Variants in SMARCAL1 observed in about 807,000 individuals in gnomAD.
SMARCAL1 encodes SNF2 related chromatin remodeling annealing helicase 1, also known as ATP-driven annealing helicase.
Under a neutral mutation model 94.5 loss-of-function variants are expected in SMARCAL1, and 58 were observed. That is an observed-to-expected ratio of 0.61 (90% CI 0.50 to 0.76). SMARCAL1 has a LOEUF of 0.76. Ranked by LOEUF, SMARCAL1 falls within the 30% of genes least tolerant of loss-of-function variation. SMARCAL1 has a pLI of 0.00. For synonymous variants in SMARCAL1, 422 were observed against 455.1 expected (o/e 0.93, Z 0.93); for missense variants, 1,051 against 1,177.9 (o/e 0.89, Z 1.58).
chr2:216,449,325 C>A (rs1023161842), intron 11 of SMARCAL1, among the ~76,000 whole-genome samples: 4 of 152,188 alleles, frequency 2.6e-5, no homozygotes, highest in African/African-American at 9.6e-5. Flanking sequence ...ATTATGATAT[C>A]CACTTGTTCT....
At chr2:216,438,893 T>C (rs1201348741) in intron 10 of SMARCAL1, among the ~76,000 whole-genome samples, 1 of 152,194 alleles carries the variant, frequency 6.6e-6, no homozygotes, top group Non-Finnish European at 1.5e-5. Flanking sequence ...GCTGCCTAGA[T>C]GCTGGAAATC....
rs888207135 is a variant in SMARCAL1 at position 216,482,413 on chromosome 2, T to C, written c.2626-325T>C. Among the ~76,000 whole-genome samples, 2 of 152,232 alleles carry C rather than the reference T, an allele frequency of 1.3e-5. No homozygotes were observed. The highest frequency in any genetic ancestry group is 2.9e-5 in the Non-Finnish European group (2 of 68,040). ...GAGATCTTGGGTGCTATTTCAGTAT[T>C]GAAATAATGATTTGGAAAGTTCAAA... On this transcript the variant is annotated intron_variant, in intron 17 of 17. Coordinates refer to ENST00000357276, the MANE Select transcript of SMARCAL1 (RefSeq NM_014140.4). This position sits in a 1 kb window ranked among gnomAD's most constrained non-coding sequence, Gnocchi z 4.3.
chr2:216,432,925 C>T lies in SMARCAL1; in HGVS notation c.1485+57C>T, dbSNP rs1693998581. On this transcript the variant is annotated intron_variant, in intron 8 of 17. Transcript: ENST00000357276. The stretch of plus-strand genomic sequence containing the variant: ...AGAAGGTTTTCTTCAGTGTTAGAGT[C>T]ATAAAATAATGGTTTGCAGACAGGG... The T allele has an allele frequency of 2.5e-6, 4 of 1,601,292 alleles. No homozygotes were observed. In the South Asian group the frequency reaches 4.4e-5, roughly 18 times the overall value.
intron 12 of SMARCAL1, among the ~76,000 whole-genome samples, chr2:216,452,751 T>A (rs1340547489): frequency 6.6e-6 from 1 of 152,230 alleles, no homozygotes; most frequent in Non-Finnish European, 1.5e-5. Flanking sequence ...AGAAATTTTG[T>A]GCTTAGTGCA....
intron 7 of SMARCAL1, among the ~76,000 whole-genome samples, chr2:216,430,680 A>AG (rs1693942334): frequency 6.6e-6 from 1 of 152,178 alleles, no homozygotes; most frequent in Non-Finnish European, 1.5e-5. Flanking sequence ...TGTGAAATTC[A>AG]GGGGGTCCAT....
At position 216,419,899 on chromosome 2, in the gene SMARCAL1, G is replaced by A. The variant is rs537892709; in HGVS notation, c.863-400G>A. Among the ~76,000 whole-genome samples the A allele has an allele frequency of 1.5e-3, 228 of 151,690 alleles. 1 individual carries two copies. Among genetic ancestry groups the A allele is most frequent in the African/African-American group, 5.4e-3 (222 of 41,336 alleles). ...ACGAAAACTAACCGCATGTGGTGGT[G>A]CACGCCTGTAGTCCCAGCTACTGGG... On this transcript the variant is annotated intron_variant, in intron 4 of 17. Transcript: ENST00000357276.
chr2:216,421,499 T>C (rs1693720440), intron 5 of SMARCAL1, among the ~76,000 whole-genome samples: 2 of 152,136 alleles, frequency 1.3e-5, no homozygotes, highest in Admixed American at 1.3e-4. Context: ...GGTTTCATCA[T>C]GTTGGCCAGG....
At chr2:216,464,243 G>C (rs552299924) in intron 12 of SMARCAL1, among the ~76,000 whole-genome samples, 3 of 152,236 alleles carry the variant, frequency 2.0e-5, no homozygotes, top group African/African-American at 7.2e-5. Context: ...TAGTAAATAG[G>C]TATGCTTAGC....
Position 216,420,397 on chromosome 2 carries a change from G to A in SMARCAL1, c.961G>A (p.Gly321Ser), listed in dbSNP as rs371378288. ...CTCCACCAGCAGTGAGGGACAGGCC[G>A]GCCTTCCATCAGCTCCATCCCTTTC... ...SPSTSSEGQA[G>S]LPSAPSLSFV... The change falls in exon 5 of 18, where the codon GGC becomes AGC. Residue 321 changes from glycine (G) to serine (S), a missense_variant. By Grantham distance (56) the Gly-to-Ser change is moderately conservative (BLOSUM62 0). Transcript: ENST00000357276. 174 of 1,614,042 alleles carry A rather than the reference G, an allele frequency of 1.1e-4. 1 individual carries two copies. Among genetic ancestry groups the A allele is most frequent in the South Asian group, 4.8e-4 (44 of 91,086 alleles).
At chr2:216,476,404 T>A (rs12617822) in intron 15 of SMARCAL1, among the ~76,000 whole-genome samples, 8,058 of 152,052 alleles carry the variant, frequency 0.053, 470 homozygotes, top group East Asian at 0.19. Flanking sequence ...CAGCCTTGAT[T>A]TCCCGAGCTC....
At chr2:216,428,434 A>G (rs919297771) in intron 6 of SMARCAL1, among the ~76,000 whole-genome samples, 162 bp from the exon 7 acceptor site, 3 of 152,066 alleles carry the variant, frequency 2.0e-5, no homozygotes, top group South Asian at 2.1e-4. Context: ...TATTTTTCCC[A>G]TTTGGGTTAA....
At position 216,415,359 on chromosome 2, in the gene SMARCAL1, G is replaced by A. The variant is rs1335722943; in HGVS notation, c.655G>A (p.Glu219Lys). 1 of 1,614,262 alleles carries A rather than the reference G, an allele frequency of 6.2e-7. No homozygotes were observed. Among genetic ancestry groups the A allele is most frequent in the Admixed American group, 1.7e-5 (1 of 60,026 alleles). The change falls in exon 3 of 18, where the codon GAA becomes AAA. Residue 219 changes from glutamate to lysine, a missense_variant. Coordinates refer to ENST00000357276, the MANE Select transcript of SMARCAL1 (RefSeq NM_014140.4). ...CTCAGAGAGTGTAACGCCCAGGACA[G>A]AAGGAAGACTCCAGCAGAAGTCAGG... ...SSSESVTPRT[E>K]GRLQQKSGSS...
At chr2:216,472,094 C>T (rs1694979417) in intron 14 of SMARCAL1, among the ~76,000 whole-genome samples, 1 of 152,168 alleles carries the variant, frequency 6.6e-6, no homozygotes, top group South Asian at 2.1e-4. Context: ...GTGGCTCACG[C>T]CTGTAATCCC....
intron 9 of SMARCAL1, among the ~76,000 whole-genome samples, chr2:216,435,730 A>G (rs1348297649): frequency 6.6e-6 from 1 of 152,168 alleles, no homozygotes; most frequent in Non-Finnish European, 1.5e-5. Flanking sequence ...ATTGTGATTT[A>G]ATTAGTCTTT....
chr2:216,441,893 T>C (rs13411746), intron 10 of SMARCAL1, among the ~76,000 whole-genome samples: 18,250 of 152,132 alleles, frequency 0.12, 1,407 homozygotes, highest in East Asian at 0.32. Context: ...TTGTCTTTTG[T>C]CTACACTGGC....
rs572124066 is a variant in SMARCAL1 at position 216,414,503 on chromosome 2, G to A, written c.-58-144G>A. 90 of 597,412 alleles carry A rather than the reference G, an allele frequency of 1.5e-4. 2 individuals are homozygous for A. The South Asian group carries it at 1.8e-3, about 12-fold the overall frequency. 37.0% of individuals were successfully genotyped at this position (597,412 alleles called of 1,614,324 possible). A position where few individuals can be genotyped will look rare whatever the true frequency, so the allele number is the denominator to read the frequency against. ...TATGCTGCCTACTATTTCAGTGTGT[G>A]TGCAATTATAAAAGAAACTTTAATA... On this transcript the variant is annotated intron_variant, in intron 2 of 17. Transcript: ENST00000357276.
rs376523640 is a variant in SMARCAL1 at position 216,482,551 on chromosome 2, C to T, written c.2626-187C>T. ...CACAGAGAGGGTAAGATGTCAGACA[C>T]TAAAACAGTGAGGCTGCTTTAGTGA... On this transcript the variant is annotated intron_variant, in intron 17 of 17. Coordinates refer to ENST00000357276, the MANE Select transcript of SMARCAL1 (RefSeq NM_014140.4). The surrounding 1 kb of genome is among the most constrained non-coding windows in gnomAD (Gnocchi z 4.3). 1.2e-4 allele frequency among the ~76,000 whole-genome samples: 19 copies of T among 152,168 alleles called. No individual in the cohort carries two copies. Among genetic ancestry groups the T allele is most frequent in the Admixed American group, 5.2e-4 (8 of 15,272 alleles).
Position 216,463,340 on chromosome 2 carries a change from G to A in SMARCAL1, c.2071-1257G>A, listed in dbSNP as rs73072276. On this transcript the variant is annotated intron_variant, in intron 12 of 17. Transcript: ENST00000357276. ...GAAATGTATTGCTCATGGTTTTAGG[G>A]GCTGGGAAGTTCAAGATCAAGTGGC... is the stretch of plus-strand genomic sequence containing the variant. 8.9e-3 allele frequency among the ~76,000 whole-genome samples: 1,356 copies of A among 152,236 alleles called. 24 individuals are homozygous for A. The highest frequency in any genetic ancestry group is 0.03 in the African/African-American group (1,254 of 41,544).
intron 6 of SMARCAL1, among the ~76,000 whole-genome samples, chr2:216,424,509 G>A (rs916140697): frequency 6.6e-6 from 1 of 152,148 alleles, no homozygotes; most frequent in African/African-American, 2.4e-5. Flanking sequence ...ATCAGGCCAG[G>A]ACAGACACGA....
Sources: allele counts gnomAD v4.1 joint callset (sites outside exome capture counted in the v4.1 genomes callset), GRCh38; gene constraint gnomAD v4.1.1; non-coding constraint Gnocchi (gnomAD v3.1); transcripts MANE v1.5; gene names NCBI Gene and HGNC (gene_info 2026-07-23, HGNC 2026-07-21).